Variants in FAM53B observed in about 807,000 individuals in gnomAD.
The protein encoded by FAM53B is protein FAM53B.
Under a neutral mutation model 32.7 loss-of-function variants are expected in FAM53B, and 12 were observed. The ratio of observed to expected loss-of-function variants is 0.37; its 90% CI spans 0.24 to 0.59. The LOEUF is 0.59. Ranked by LOEUF, FAM53B falls within the 20% of genes least tolerant of loss-of-function variation. The pLI is 0.72. For synonymous variants in FAM53B, 234 were observed against 228.7 expected (o/e 1.02, Z -0.21); for missense variants, 477 against 577.7 (o/e 0.83, Z 1.79).
At chr10:124,626,394 C>CG (rs1025745491) in intron 4 of FAM53B, among the ~76,000 whole-genome samples, 1 of 145,984 alleles carries the variant, frequency 6.9e-6, no homozygotes, top group East Asian at 2.0e-4. Context: ...TTGTGCCCCC[C>CG]CCCCCCCCAC....
At chr10:124,739,499 C>G (rs1464123312) in intron 1 of FAM53B, among the ~76,000 whole-genome samples, 1 of 152,214 alleles carries the variant, frequency 6.6e-6, no homozygotes, top group Non-Finnish European at 1.5e-5. Context: ...CTTTGTTTAA[C>G]AAGAGAACAA....
chr10:124,668,298 G>T (rs1221845351), intron 4 of FAM53B, among the ~76,000 whole-genome samples: 1 of 152,368 alleles, frequency 6.6e-6, no homozygotes, highest in East Asian at 1.9e-4. Flanking sequence ...AGCTGTTTCT[G>T]AGCAGGACCA....
At chr10:124,650,490 G>A (rs550389374) in intron 4 of FAM53B, among the ~76,000 whole-genome samples, 1 of 151,596 alleles carries the variant, frequency 6.6e-6, no homozygotes, top group African/African-American at 2.4e-5. Flanking sequence ...GCACAGTGTG[G>A]CCAGATGTGC....
At chr10:124,666,219 C>A (rs1386842014) in intron 4 of FAM53B, among the ~76,000 whole-genome samples, 1 of 152,248 alleles carries the variant, frequency 6.6e-6, no homozygotes, top group Non-Finnish European at 1.5e-5. Flanking sequence ...CAAACCAGAG[C>A]CACAAATGCA....
intron 1 of FAM53B, among the ~76,000 whole-genome samples, chr10:124,741,766 A>G (rs997070328): frequency 3.9e-5 from 6 of 152,264 alleles, no homozygotes; most frequent in African/African-American, 1.4e-4. Context: ...CACGGTGACA[A>G]TAAGGTATCA....
At chr10:124,678,811 A>G (rs1015909983) in intron 4 of FAM53B, among the ~76,000 whole-genome samples, 1 of 152,096 alleles carries the variant, frequency 6.6e-6, no homozygotes, top group African/African-American at 2.4e-5. Flanking sequence ...CTGCTGGCGG[A>G]TTGGAGGGGC....
chr10:124,732,419 G>A (rs1276249625), intron 1 of FAM53B, among the ~76,000 whole-genome samples: 2 of 152,338 alleles, frequency 1.3e-5, no homozygotes, highest in South Asian at 2.1e-4. Flanking sequence ...GACCCAGGGA[G>A]CTCCTCAGGT....
At chr10:124,700,945 C>A (rs895306389) in intron 2 of FAM53B, among the ~76,000 whole-genome samples, 1 of 152,158 alleles carries the variant, frequency 6.6e-6, no homozygotes, top group African/African-American at 2.4e-5. Context: ...AAAAGGAGAT[C>A]CAGGCCTGAG....
At chr10:124,661,890 C>T (rs1949633332) in intron 4 of FAM53B, among the ~76,000 whole-genome samples, 1 of 152,260 alleles carries the variant, frequency 6.6e-6, no homozygotes, top group Non-Finnish European at 1.5e-5. Flanking sequence ...GGGGCCAGAG[C>T]AAGCTCCCTA....
At chr10:124,642,658 C>T (rs766383359) in intron 4 of FAM53B, among the ~76,000 whole-genome samples, 1 of 152,186 alleles carries the variant, frequency 6.6e-6, no homozygotes, top group Non-Finnish European at 1.5e-5. Flanking sequence ...CACAGGGGCA[C>T]GTGCAACTGC....
In FAM53B at chr10:124,720,966, A is replaced by G. The variant is rs191337199; in HGVS notation, c.-174-14079T>C. On this transcript the variant is annotated intron_variant, in intron 1 of 4. Transcript: ENST00000337318. ...TGTCATCCCAGCACTTTGGGAGGCC[A>G]AGACGGGCGGATGGCTTGAGCTCAG... is the stretch of plus-strand genomic sequence containing the variant. Among the ~76,000 whole-genome samples, 6 of 152,314 alleles carry G rather than the reference A, an allele frequency of 3.9e-5. No homozygotes were observed. In the East Asian group the frequency reaches 1.2e-3, roughly 29 times the overall value.
chr10:124,691,245 G>C (rs1284161963), intron 3 of FAM53B, among the ~76,000 whole-genome samples: 3 of 152,168 alleles, frequency 2.0e-5, no homozygotes, highest in Admixed American at 6.5e-5. Flanking sequence ...TTTATGTACA[G>C]AGTAGACTTT....
intron 1 of FAM53B, among the ~76,000 whole-genome samples, chr10:124,712,229 GC>G (rs1950009260): frequency 6.6e-6 from 1 of 152,072 alleles, no homozygotes; most frequent in South Asian, 2.1e-4. Flanking sequence ...GGTGGTGCAT[GC>G]CTGTGATCCC....
Position 124,623,023 on chromosome 10 carries a change from G to A in FAM53B, c.*219C>T, listed in dbSNP as rs1035564870. On this transcript the variant is annotated 3_prime_UTR_variant, in exon 5 of 5. Transcript: ENST00000337318. Reference sequence around the variant, plus strand: ...GTTCTGTGGACCTGGTGGCTGCCACGCTCGGGGAGCCGGTGAGAGGCTGAC... The same window carrying A: ...GTTCTGTGGACCTGGTGGCTGCCACACTCGGGGAGCCGGTGAGAGGCTGAC... The A allele has an allele frequency of 1.6e-5, 9 of 565,674 alleles. No homozygotes were observed. In the South Asian group the frequency reaches 1.7e-4, roughly 11 times the overall value. The allele number at this position is 565,674 out of a possible 1,614,324, so 35.0% of individuals were successfully genotyped here.
chr10:124,677,359 C>A (rs1949742456), intron 4 of FAM53B, among the ~76,000 whole-genome samples: 1 of 152,252 alleles, frequency 6.6e-6, no homozygotes, highest in South Asian at 2.1e-4. Flanking sequence ...AGGAAGGCTG[C>A]AGCCTCACAG....
intron 4 of FAM53B, chr10:124,671,237 C>A: frequency 2.2e-6 from 1 of 448,542 alleles, no homozygotes; most frequent in Non-Finnish European, 4.5e-6. Flanking sequence ...AATTTCATCA[C>A]CTTCCCTTTC....
At chr10:124,741,266 T>C (rs1950197690) in intron 1 of FAM53B, among the ~76,000 whole-genome samples, 1 of 152,194 alleles carries the variant, frequency 6.6e-6, no homozygotes, top group Non-Finnish European at 1.5e-5. Flanking sequence ...ATCTGAGTAT[T>C]TGCTTATTTC....
Position 124,619,747 on chromosome 10 carries a change from C to T in FAM53B, c.*3495G>A, listed in dbSNP as rs1949293795. 1 of 152,816 alleles carries T rather than the reference C, an allele frequency of 6.5e-6. No individual in the cohort carries two copies. The highest frequency in any genetic ancestry group is 2.1e-4 in the South Asian group (1 of 4,828). 9.5% of individuals were successfully genotyped at this position (152,816 alleles called of 1,614,324 possible). A position where few individuals can be genotyped will look rare whatever the true frequency, so the allele number is the denominator to read the frequency against. On this transcript the variant is annotated 3_prime_UTR_variant, in exon 5 of 5. Coordinates refer to ENST00000337318, the MANE Select transcript of FAM53B (RefSeq NM_014661.4). ...GCGTGGACATGGCAAGGTGTGGCAT[C>T]ATTGCCAGTGTGGGGCCAGAGGGTG...
At position 124,692,860 on chromosome 10, in the gene FAM53B, C is replaced by T. The variant is rs538663927; in HGVS notation, c.133+3298G>A. ...AGTGACCAGGGTGCTGTGCTCCTTG[C>T]TCTACTGCACTTGCCCAGATTTTCT... On this transcript the variant is annotated intron_variant, in intron 3 of 4. Transcript: ENST00000337318. Among the ~76,000 whole-genome samples the T allele has an allele frequency of 2.5e-3, 387 of 152,072 alleles. 1 individual carries two copies. Among genetic ancestry groups the T allele is most frequent in the African/African-American group, 9.1e-3 (378 of 41,458 alleles).
Sources: gnomAD v4.1 joint callset for allele counts (sites outside exome capture counted in the v4.1 genomes callset) on GRCh38, gnomAD v4.1.1 for gene constraint, MANE v1.5 for transcripts, NCBI Gene and HGNC (gene_info 2026-07-23, HGNC 2026-07-21) for gene names.